Variants in DOCK6 observed in about 807,000 individuals in gnomAD.
The protein encoded by DOCK6 is dedicator of cytokinesis 6.
A neutral mutation model predicts 230.3 loss-of-function variants in DOCK6; 167 were observed. The observed-to-expected ratio is 0.73, with a 90% CI of 0.64 to 0.82. DOCK6 has a LOEUF of 0.82. Ranked by LOEUF, DOCK6 falls within the 40% of genes least tolerant of loss-of-function variation. The pLI, the probability that DOCK6 is intolerant of heterozygous loss-of-function variation, is 0.00. For missense variants in DOCK6, 2,598 were observed against 2,825.8 expected, an observed-to-expected ratio of 0.92 and a Z score of 1.83; for synonymous variants, 1,148 against 1,185.0, an observed-to-expected ratio of 0.97 and a Z score of 0.64.
intron 14 of DOCK6, chr19:11,239,583 T>C (rs543622267): frequency 6.2e-7 from 1 of 1,600,480 alleles, no homozygotes; most frequent in East Asian, 2.2e-5. Flanking sequence ...AGTGGGGGTA[T>C]GAGGCATAAA....
chr19:11,223,187 C>T, intron 24 of DOCK6, 81 bp from the exon 25 acceptor site: 1 of 1,280,718 alleles, frequency 7.8e-7, no homozygotes. Flanking sequence ...GATCATCTGC[C>T]ACCCCTAGGA....
chr19:11,251,026 T>G lies in DOCK6; in HGVS notation c.568A>C (p.Ser190Arg). Residue 190 changes from serine to arginine, a missense_variant, in exon 6 of 48, where the codon AGC becomes CGC. Ser to Arg is a moderately radical substitution (Grantham distance 110, BLOSUM62 -1). Transcript: ENST00000294618. Reference sequence around the variant, plus strand: ...GCCAGGTTCCTCAGGTCGAAGATGCTAGAGGCACCACTGCTTCGAGGGGTG... The same window carrying G: ...GCCAGGTTCCTCAGGTCGAAGATGCGAGAGGCACCACTGCTTCGAGGGGTG... ...EDTPRSSGAS[S>R]IFDLRNLAAD... is the part of the protein sequence containing the mutation. 6.2e-7 allele frequency: 1 copy of G among 1,613,720 alleles called. No homozygotes were observed. Among genetic ancestry groups the G allele is most frequent in the East Asian group, 2.2e-5 (1 of 44,858 alleles).
intron 6 of DOCK6, among the ~76,000 whole-genome samples, chr19:11,249,734 A>G (rs1379719615): frequency 3.3e-5 from 5 of 149,850 alleles, no homozygotes; most frequent in Non-Finnish European, 7.4e-5. Flanking sequence ...CGTCTCTACT[A>G]AAAAAAATAC....
chr19:11,257,447 T>C (rs1211807814), intron 1 of DOCK6, among the ~76,000 whole-genome samples: 1 of 127,590 alleles, frequency 7.8e-6, no homozygotes, highest in Non-Finnish European at 1.6e-5. Context: ...ATGGCACCAG[T>C]GCACTCCAGC....
rs748201033 is a variant in DOCK6, at chr19:11,252,255, G to A, written c.378-7C>T. Reference sequence around the variant, plus strand: ...TGCACTCAGGTACTGATACCTAGCAGGAAACGGGGCTGGGCAGGTAGGGAG... The same window carrying A: ...TGCACTCAGGTACTGATACCTAGCAAGAAACGGGGCTGGGCAGGTAGGGAG... On this transcript the variant is annotated splice_region_variant and splice_polypyrimidine_tract_variant and intron_variant, in intron 4 of 47. Transcript: ENST00000294618. The A allele has an allele frequency of 1.3e-6, 2 of 1,581,808 alleles. No homozygotes were observed. Among genetic ancestry groups the A allele is most frequent in the African/African-American group, 2.7e-5 (2 of 74,458 alleles).
intron 22 of DOCK6, chr19:11,229,356 T>C: frequency 2.7e-6 from 3 of 1,119,360 alleles, no homozygotes; most frequent in Non-Finnish European, 3.3e-6. Flanking sequence ...ACCCTCGAGG[T>C]AGGAGGAGGC....
chr19:11,245,910 T>G (rs755293781), intron 7 of DOCK6, 32 bp from the exon 8 acceptor site: 1 of 1,552,338 alleles, frequency 6.4e-7, no homozygotes, highest in Non-Finnish European at 8.7e-7. Context: ...GGGGCTCTCC[T>G]TAACACTTCC....
At chr19:11,234,001 A>AT (rs111453191) in intron 21 of DOCK6, among the ~76,000 whole-genome samples, 323 of 144,618 alleles carry the variant, frequency 2.2e-3, no homozygotes, top group Admixed American at 2.0e-3. Context: ...TGCTCAGCTA[A>AT]TTTTTTTTTT....
rs1441208815 is a variant in DOCK6, at chr19:11,217,272, C to A, written c.3670G>T (p.Ala1224Ser). The change falls in exon 29 of 48, where the codon GCC becomes TCC. Residue 1224 changes from alanine (A) to serine (S), a missense_variant. Physicochemically the swap from Ala to Ser is moderately conservative, Grantham distance 99 (BLOSUM62 1). Transcript: ENST00000294618. ...VAMAIAGGPL[A>S]PGSRASISQG... ...GAGATGCTGGCCCGGGAGCCAGGGG[C>A]TAGGGGGCCACCAGCAATGGCCATG... is the stretch of plus-strand genomic sequence containing the variant. 1 of 1,612,886 alleles carries A rather than the reference C, an allele frequency of 6.2e-7. No individual in the cohort carries two copies. Among genetic ancestry groups the A allele is most frequent in the Admixed American group, 1.7e-5 (1 of 59,906 alleles).
chr19:11,229,527 T>C, intron 22 of DOCK6: 1 of 265,160 alleles, frequency 3.8e-6, no homozygotes, highest in Non-Finnish European at 5.8e-6. Context: ...AGAGAAATGC[T>C]TCCACATGGA....
At chr19:11,258,723 G>A (rs941015328) in intron 1 of DOCK6, among the ~76,000 whole-genome samples, 4 of 144,838 alleles carry the variant, frequency 2.8e-5, no homozygotes, top group Non-Finnish European at 6.0e-5. Flanking sequence ...ATGAGCCAAC[G>A]CGCCCGGCCT....
At chr19:11,227,236 T>A (rs1268907372) in intron 24 of DOCK6, 101 bp downstream of exon 24, 4 of 1,490,674 alleles carry the variant, frequency 2.7e-6, no homozygotes, top group South Asian at 1.3e-5. Context: ...GGATTCCTGG[T>A]CTTACGGCCA....
chr19:11,203,565 T>C (rs1568665258), intron 41 of DOCK6: 1 of 155,418 alleles, frequency 6.4e-6, no homozygotes. Flanking sequence ...AACTAGGAGA[T>C]GCCTAAAAAT....
At chr19:11,217,659 G>A (rs1260739339) in intron 28 of DOCK6, among the ~76,000 whole-genome samples, 1 of 150,804 alleles carries the variant, frequency 6.6e-6, no homozygotes, top group African/African-American at 2.4e-5. Context: ...TCGGGAGGCT[G>A]TGGCACGAGA....
Position 11,243,506 on chromosome 19 carries a change from T to C in DOCK6, c.1258+51A>G. The C allele has an allele frequency of 6.4e-7, 1 of 1,552,646 alleles. No homozygotes were observed. Among genetic ancestry groups the C allele is most frequent in the Non-Finnish European group, 8.7e-7 (1 of 1,149,864 alleles). On this transcript the variant is annotated intron_variant, in intron 11 of 47. Transcript: ENST00000294618. This position sits in a 1 kb window ranked among gnomAD's most constrained non-coding sequence, Gnocchi z 6.3. ...GCCCCGTAGCCCCGCCCCAGGCCTGTCAGCACCACCCTTTAGCCCCGCCCC... is the reference window on the plus strand; with the variant it reads ...GCCCCGTAGCCCCGCCCCAGGCCTGCCAGCACCACCCTTTAGCCCCGCCCC...
chr19:11,236,227 T>C lies in DOCK6; in HGVS notation c.2392+119A>G. On this transcript the variant is annotated intron_variant, in intron 20 of 47. Coordinates refer to ENST00000294618, the MANE Select transcript of DOCK6 (RefSeq NM_020812.4). The surrounding 1 kb of genome is among the most constrained non-coding windows in gnomAD (Gnocchi z 5.2). ...TCTGGGTGCAGGGGACTGGAGGTCA[T>C]TTTTCAGATGAGAAAAATGGCCAGA... 1.9e-6 allele frequency: 2 copies of C among 1,031,608 alleles called. No individual in the cohort carries two copies. The highest frequency in any genetic ancestry group is 1.7e-5 in the South Asian group (1 of 59,588). The allele number at this position is 1,031,608 out of a possible 1,614,324, so 63.9% of individuals were successfully genotyped here.
chr19:11,252,047 C>T (rs2080124323), intron 5 of DOCK6, 72 bp downstream of exon 5: 3 of 1,553,094 alleles, frequency 1.9e-6, no homozygotes, highest in Middle Eastern at 4.5e-4. Flanking sequence ...TTTCCTGTCA[C>T]ATGTGACCAA....
chr19:11,247,035 A>G (rs2080045668), intron 7 of DOCK6, among the ~76,000 whole-genome samples: 2 of 152,184 alleles, frequency 1.3e-5, no homozygotes, highest in Admixed American at 1.3e-4. Flanking sequence ...CACTTTCAGC[A>G]TCGCTTATCC....
chr19:11,246,294 C>T (rs565074694), intron 7 of DOCK6, among the ~76,000 whole-genome samples: 13 of 152,120 alleles, frequency 8.5e-5, no homozygotes, highest in East Asian at 1.9e-4. Flanking sequence ...TATATAGAGA[C>T]GGGGTCTCGC....
Sources: allele counts gnomAD v4.1 joint callset (sites outside exome capture counted in the v4.1 genomes callset), GRCh38; gene constraint gnomAD v4.1.1; non-coding constraint Gnocchi (gnomAD v3.1); transcripts MANE v1.5; gene names NCBI Gene and HGNC (gene_info 2026-07-23, HGNC 2026-07-21).